Variants in MTMR3 observed in about 807,000 individuals in gnomAD.
MTMR3 encodes phosphatidylinositol-3,5-bisphosphate 3-phosphatase MTMR3.
Under a neutral mutation model 132.4 loss-of-function variants are expected in MTMR3, and 32 were observed. The observed-to-expected ratio is 0.24, with a 90% CI of 0.18 to 0.32. The LOEUF is 0.32. Ranked by LOEUF, MTMR3 falls within the 10% of genes least tolerant of loss-of-function variation. MTMR3 has a pLI of 1.00. For missense variants in MTMR3, 1,216 were observed against 1,489.6 expected, an observed-to-expected ratio of 0.82 and a Z score of 3.02; for synonymous variants, 556 against 550.3, an observed-to-expected ratio of 1.01 and a Z score of -0.14.
chr22:29,956,961 G>A (rs1802741231), intron 1 of MTMR3, 75 bp from the exon 2 acceptor site: 1 of 152,258 alleles, frequency 6.6e-6, no homozygotes, highest in Non-Finnish European at 1.5e-5. Flanking sequence ...GAAAGGTCTT[G>A]TGGGGAGATC....
At position 30,016,680 on chromosome 22, in the gene MTMR3, T is replaced by C. The variant is rs774501646; in HGVS notation, c.1656T>C (p.Tyr552=). Residue 552 remains tyrosine (Y), a synonymous_variant, in exon 15 of 20, where the codon TAT becomes TAC. Transcript: ENST00000401950. The part of the protein sequence containing the change: ...AGNKAFKNLL[Y]SSQSEAVLYP... ...ACAAGGCTTTCAAAAACCTACTGTA[T>C]TCCTCTCAGTCAGAAGCCGTATGTA... 1 of 1,613,644 alleles carries C rather than the reference T, an allele frequency of 6.2e-7. No individual in the cohort carries two copies. The highest frequency in any genetic ancestry group is 1.7e-5 in the Admixed American group (1 of 59,982).
At chr22:29,966,726 C>CGTGTGTGTGTGTGT (rs55960706) in intron 2 of MTMR3, among the ~76,000 whole-genome samples, 15 of 142,856 alleles carry the variant, frequency 1.1e-4, no homozygotes, top group African/African-American at 3.6e-4. Context: ...TAGGGGTGTG[C>CGTGTGTGTGTGTGT]GTGTGTGTGT....
chr22:29,943,340 C>T (rs2065893278), intron 1 of MTMR3, among the ~76,000 whole-genome samples: 1 of 151,850 alleles, frequency 6.6e-6, no homozygotes, highest in South Asian at 2.1e-4. Context: ...CTACAGGCAC[C>T]TGCCACCACG....
Position 29,971,008 on chromosome 22 carries a change from T to C in MTMR3, c.-52T>C, listed in dbSNP as rs199721150. The C allele has an allele frequency of 3.3e-4, 506 of 1,516,788 alleles. 1 individual carries two copies. Among genetic ancestry groups the C allele is most frequent in the Middle Eastern group, 5.3e-4 (3 of 5,666 alleles). 94.0% of individuals were successfully genotyped at this position (1,516,788 alleles called of 1,614,324 possible). ...CATAAGGGAAAGAAGAGAGCCTTGT[T>C]GGACACTGAAGAAGGGACGGGGATT... On this transcript the variant is annotated 5_prime_UTR_variant, in exon 3 of 20. Coordinates refer to ENST00000401950, the MANE Select transcript of MTMR3 (RefSeq NM_021090.4).
Position 30,020,361 on chromosome 22 carries a change from G to A in MTMR3, c.2702G>A (p.Arg901Lys), listed in dbSNP as rs150923977. The A allele has an allele frequency of 2.2e-5, 36 of 1,614,196 alleles. No individual in the cohort carries two copies. The East Asian group carries it at 7.8e-4, about 35-fold the overall frequency. The part of the protein sequence containing the change: ...ERPQVGSVVH[R>K]TSLGSTLSLT... ...CCCCAAGTGGGGTCTGTGGTGCATA[G>A]GACTTCCCTTGGCAGCACTCTCAGC... Residue 901 changes from arginine (R) to lysine (K), a missense_variant, in exon 17 of 20, where the codon AGG becomes AAG. Around this residue, in one of 7 missense-constraint regions of MTMR3, gnomAD observed 852 missense variants for 852.0 expected, o/e 1.00. Transcript: ENST00000401950.
chr22:29,914,608 AT>A (rs984084431), intron 1 of MTMR3, among the ~76,000 whole-genome samples: 23 of 148,876 alleles, frequency 1.5e-4, no homozygotes, highest in Non-Finnish European at 2.8e-4. Context: ...GTAGTCAGTT[AT>A]TTTTTTTTTC....
intron 19 of MTMR3, chr22:30,023,872 CCTT>C: frequency 1.0e-5 from 2 of 191,674 alleles, no homozygotes; most frequent in Non-Finnish European, 2.0e-5. Flanking sequence ...TTCTTTTTTC[CCTT>C]TTTTTTTTTT....
At chr22:30,001,394 GA>G (rs975801018) in intron 8 of MTMR3, 3 of 151,456 alleles carry the variant, frequency 2.0e-5, no homozygotes, top group East Asian at 3.9e-4. Flanking sequence ...CCATCTCAAA[GA>G]AAAAAAAATT....
At chr22:30,003,223 T>C (rs2067210064) in intron 9 of MTMR3, 1 of 401,826 alleles carries the variant, frequency 2.5e-6, no homozygotes, top group African/African-American at 2.0e-5. Context: ...AAGTTTTAGT[T>C]GTAAAGTGGC....
chr22:29,988,629 TATTTGGTAA>T, intron 6 of MTMR3, 67 bp downstream of exon 6: 2 of 1,223,312 alleles, frequency 1.6e-6, no homozygotes, highest in Non-Finnish European at 2.3e-6. Context: ...ATGGGTCCAT[TATTTGGTAA>T]CTTAGTAAAA....
At chr22:30,023,185 TTC>T (rs1242702666) in intron 19 of MTMR3, 7 of 504,566 alleles carry the variant, frequency 1.4e-5, no homozygotes, top group Non-Finnish European at 2.5e-5. Context: ...GGTTCCTGAC[TTC>T]TTTTTCCTTC....
chr22:29,947,969 C>T (rs2065983573), intron 1 of MTMR3, among the ~76,000 whole-genome samples: 2 of 152,122 alleles, frequency 1.3e-5, no homozygotes, highest in South Asian at 4.2e-4. Flanking sequence ...TTAAACAGAG[C>T]CTGCATTGTG....
intron 1 of MTMR3, among the ~76,000 whole-genome samples, chr22:29,898,403 GATAGTTA>G (rs1387912310): frequency 6.6e-6 from 1 of 152,126 alleles, no homozygotes; most frequent in Non-Finnish European, 1.5e-5. Flanking sequence ...GCACCCACTA[GATAGTTA>G]TAAGTTTTTT....
chr22:30,008,038 G>A lies in MTMR3; in HGVS notation c.1009+6G>A, dbSNP rs772315652. On this transcript the variant is annotated splice_donor_region_variant and intron_variant, in intron 11 of 19. Transcript: ENST00000401950. ...AGGAGGCTGCGAATGCCCAGGTGAG[G>A]TGTATGGTGCTTTGTTCCCCATACT... 2 of 1,612,296 alleles carry A rather than the reference G, an allele frequency of 1.2e-6. No individual in the cohort carries two copies. The highest frequency in any genetic ancestry group is 1.7e-6 in the Non-Finnish European group (2 of 1,179,830).
At chr22:29,993,440 A>G (rs559054728) in intron 7 of MTMR3, 34 of 152,222 alleles carry the variant, frequency 2.2e-4, no homozygotes, top group African/African-American at 7.9e-4. Flanking sequence ...TTTAGTTTCT[A>G]CCATCTCCTA....
chr22:29,978,436 T>C lies in MTMR3; in HGVS notation c.4-6T>C, dbSNP rs2066673584. Reference sequence around the variant, plus strand: ...GAAATTATTTTAAGGTTTTGGACTTTTCCAGGATGAAGAGACTCGGCACAG... The same window carrying C: ...GAAATTATTTTAAGGTTTTGGACTTCTCCAGGATGAAGAGACTCGGCACAG... On this transcript the variant is annotated splice_region_variant and splice_polypyrimidine_tract_variant and intron_variant, in intron 3 of 19. Coordinates refer to ENST00000401950, the MANE Select transcript of MTMR3 (RefSeq NM_021090.4). 2 of 1,606,948 alleles carry C rather than the reference T, an allele frequency of 1.2e-6. No homozygotes were observed. Among genetic ancestry groups the C allele is most frequent in the African/African-American group, 1.3e-5 (1 of 74,752 alleles).
chr22:29,964,603 C>T lies in MTMR3; in HGVS notation c.-84-6373C>T, dbSNP rs367577224. 2.6e-3 allele frequency among the ~76,000 whole-genome samples: 393 copies of T among 152,258 alleles called. 1 individual carries two copies. The highest frequency in any genetic ancestry group is 9.0e-3 in the African/African-American group (376 of 41,560). On this transcript the variant is annotated intron_variant, in intron 2 of 19. Coordinates refer to ENST00000401950, the MANE Select transcript of MTMR3 (RefSeq NM_021090.4). ...ATCTCCCTTTGCTGCCACATCTAGG[C>T]CTCTACCTAAACCTGTGAGTTACAC...
intron 17 of MTMR3, chr22:30,021,801 T>C: frequency 2.0e-6 from 1 of 495,804 alleles, no homozygotes; most frequent in Non-Finnish European, 3.6e-6. Context: ...GGCCTGTTTT[T>C]CTACTCCAGA....
intron 14 of MTMR3, chr22:30,014,940 A>C (rs987260435): frequency 6.6e-6 from 1 of 152,226 alleles, no homozygotes. Flanking sequence ...TCCCACATTT[A>C]TACACCTTCA....
Sources: gnomAD v4.1 joint callset for allele counts (sites outside exome capture counted in the v4.1 genomes callset) on GRCh38, gnomAD v4.1.1 for gene constraint, gnomAD v4.1.1 regional missense constraint, MANE v1.5 for transcripts, NCBI Gene and HGNC (gene_info 2026-07-23, HGNC 2026-07-21) for gene names.